Variants in CNTNAP5 observed in about 807,000 individuals in gnomAD.
CNTNAP5 encodes the protein contactin-associated protein-like 5.
A neutral mutation model predicts 150.2 loss-of-function variants in CNTNAP5; 72 were observed. The ratio of observed to expected loss-of-function variants is 0.48; its 90% CI spans 0.40 to 0.58. The LOEUF (loss-of-function observed/expected upper bound fraction) is 0.58, where lower values mean the gene tolerates loss of function less well. Among genes scored for constraint, CNTNAP5 ranks in the 20% least tolerant of loss-of-function variants. The probability of loss-of-function intolerance (pLI) is 0.00; values close to 1 mark genes in which losing one functional copy is unlikely to be tolerated. For missense variants in CNTNAP5, 1,636 were observed against 1,626.2 expected, an observed-to-expected ratio of 1.01 and a Z score of -0.10; for synonymous variants, 672 against 619.8, an observed-to-expected ratio of 1.08 and a Z score of -1.25.
At chr2:124,521,795 T>TA (rs967139305) in intron 8 of CNTNAP5, among the ~76,000 whole-genome samples, 11 of 152,174 alleles carry the variant, frequency 7.2e-5, no homozygotes, top group African/African-American at 2.2e-4. Context: ...AAAAAGGACT[T>TA]ACAATTGACT....
chr2:124,488,523 CA>C (rs1693944842), intron 7 of CNTNAP5, among the ~76,000 whole-genome samples: 1 of 152,196 alleles, frequency 6.6e-6, no homozygotes, highest in Admixed American at 6.5e-5. Flanking sequence ...ATGTGCTTAA[CA>C]CACGTTTTAT....
chr2:124,118,881 C>G (rs182676762), intron 1 of CNTNAP5, among the ~76,000 whole-genome samples: 2 of 152,288 alleles, frequency 1.3e-5, no homozygotes, highest in East Asian at 3.9e-4. Context: ...AATCATAGAT[C>G]TAGTAAATGG....
intron 22 of CNTNAP5, among the ~76,000 whole-genome samples, chr2:124,906,503 C>A (rs536550099): frequency 8.1e-4 from 123 of 152,174 alleles, no homozygotes; most frequent in African/African-American, 2.9e-3. Context: ...ACAATTCCCC[C>A]AGCAGTGGTC....
chr2:124,350,799 C>T (rs760272150), intron 3 of CNTNAP5, among the ~76,000 whole-genome samples: 6 of 152,094 alleles, frequency 3.9e-5, no homozygotes, highest in Admixed American at 3.3e-4. Context: ...CCAGAATGTA[C>T]ATATCATGAA....
chr2:124,072,472 G>T (rs570320195), intron 1 of CNTNAP5, among the ~76,000 whole-genome samples: 1 of 151,914 alleles, frequency 6.6e-6, no homozygotes, highest in South Asian at 2.1e-4. Context: ...CTTATATCCA[G>T]AAAAACAAGG....
At chr2:124,583,251 T>C (rs528989809) in intron 11 of CNTNAP5, among the ~76,000 whole-genome samples, 7 of 152,358 alleles carry the variant, frequency 4.6e-5, no homozygotes, top group African/African-American at 1.7e-4. Context: ...TCTCTGATGC[T>C]GGATGACTTT....
At chr2:124,895,047 A>G (rs1292678371) in intron 21 of CNTNAP5, among the ~76,000 whole-genome samples, 4 of 151,590 alleles carry the variant, frequency 2.6e-5, no homozygotes. Context: ...TTAAAAAGTG[A>G]AAAATTAATT....
At chr2:124,707,736 G>A (rs1050675148) in intron 13 of CNTNAP5, among the ~76,000 whole-genome samples, 1 of 152,072 alleles carries the variant, frequency 6.6e-6, no homozygotes, top group Non-Finnish European at 1.5e-5. Flanking sequence ...TTCTATTTCT[G>A]TAAAATGGGC....
chr2:124,364,902 C>T (rs964932288), intron 3 of CNTNAP5, among the ~76,000 whole-genome samples: 2 of 152,066 alleles, frequency 1.3e-5, no homozygotes, highest in African/African-American at 4.8e-5. Flanking sequence ...TCATTATGCC[C>T]TAACTTCTTG....
intron 3 of CNTNAP5, among the ~76,000 whole-genome samples, chr2:124,381,849 C>A (rs1259529776): frequency 6.6e-6 from 1 of 151,872 alleles, no homozygotes; most frequent in African/African-American, 2.4e-5. Flanking sequence ...GAGAATGGGA[C>A]ACACGACAGA....
intron 19 of CNTNAP5, among the ~76,000 whole-genome samples, chr2:124,811,251 C>T (rs1324624646): frequency 2.6e-5 from 4 of 151,944 alleles, no homozygotes; most frequent in Non-Finnish European, 4.4e-5. Flanking sequence ...GAAATAACAA[C>T]ATATTTAGTA....
chr2:124,188,716 CAAAAAAA>C (rs70996047), intron 1 of CNTNAP5, among the ~76,000 whole-genome samples: 2 of 73,062 alleles, frequency 2.7e-5, no homozygotes, highest in African/African-American at 1.2e-4. Flanking sequence ...GACTCTGTCT[CAAAAAAA>C]AAAAAAAAAA....
At chr2:124,639,712 G>A (rs1678049648) in intron 12 of CNTNAP5, among the ~76,000 whole-genome samples, 1 of 152,008 alleles carries the variant, frequency 6.6e-6, no homozygotes. Flanking sequence ...TACTTATGTG[G>A]GTCCCCAGTC....
At chr2:124,315,349 A>G (rs1016063574) in intron 3 of CNTNAP5, among the ~76,000 whole-genome samples, 2 of 152,104 alleles carry the variant, frequency 1.3e-5, no homozygotes, top group Non-Finnish European at 2.9e-5. Context: ...ACTTGATTAT[A>G]TAATATGTAA....
chr2:124,366,299 C>T (rs563280783), intron 3 of CNTNAP5, among the ~76,000 whole-genome samples: 18 of 152,292 alleles, frequency 1.2e-4, no homozygotes, highest in South Asian at 2.1e-4. Context: ...CACAAAATAA[C>T]GGTACGTACT....
chr2:124,077,243 G>A (rs926657868), intron 1 of CNTNAP5, among the ~76,000 whole-genome samples: 4 of 151,418 alleles, frequency 2.6e-5, no homozygotes, highest in African/African-American at 9.7e-5. Context: ...ACTACACCGT[G>A]GATAACATAC....
At chr2:124,386,220 A>C (rs191885927) in intron 3 of CNTNAP5, among the ~76,000 whole-genome samples, 2 of 152,286 alleles carry the variant, frequency 1.3e-5, no homozygotes, top group African/African-American at 4.8e-5. Flanking sequence ...ATGTTGTTTA[A>C]ATTTCTTTTC....
chr2:124,198,388 A>G (rs1013729192), intron 1 of CNTNAP5, among the ~76,000 whole-genome samples: 1 of 152,114 alleles, frequency 6.6e-6, no homozygotes, highest in African/African-American at 2.4e-5. Flanking sequence ...ATATATTACA[A>G]TATACAGAAG....
At chr2:124,127,467 G>A (rs912269880) in intron 1 of CNTNAP5, among the ~76,000 whole-genome samples, 4 of 152,166 alleles carry the variant, frequency 2.6e-5, no homozygotes, top group African/African-American at 9.7e-5. Context: ...TCAATATCAT[G>A]AAAATGGCCA....
Sources: gnomAD v4.1 joint callset for allele counts (sites outside exome capture counted in the v4.1 genomes callset) on GRCh38, gnomAD v4.1.1 for gene constraint, MANE v1.5 for transcripts, NCBI Gene and HGNC (gene_info 2026-07-23, HGNC 2026-07-21) for gene names.